Variants in RABGAP1L observed in about 807,000 individuals in gnomAD.
RABGAP1L encodes rab GTPase-activating protein 1-like.
A neutral mutation model predicts 137.7 loss-of-function variants in RABGAP1L; 63 were observed. The observed-to-expected ratio is 0.46, with a 90% CI of 0.37 to 0.56. RABGAP1L has a LOEUF of 0.56. Ranked by LOEUF, RABGAP1L falls within the 20% of genes least tolerant of loss-of-function variation. RABGAP1L has a pLI of 0.00. For synonymous variants in RABGAP1L, 431 were observed against 433.7 expected (o/e 0.99, Z 0.08); for missense variants, 1,095 against 1,244.0 (o/e 0.88, Z 1.80).
intron 14 of RABGAP1L, among the ~76,000 whole-genome samples, chr1:174,654,667 C>A (rs539977314): frequency 2.0e-5 from 3 of 152,154 alleles, no homozygotes; most frequent in South Asian, 4.1e-4. Context: ...TTTTACATTT[C>A]TGTGTCTTTA....
At chr1:174,467,076 G>A (rs183343581) in intron 13 of RABGAP1L, among the ~76,000 whole-genome samples, 1 of 152,128 alleles carries the variant, frequency 6.6e-6, no homozygotes, top group East Asian at 1.9e-4. Flanking sequence ...AGTCTATTTT[G>A]GGCTTTCCAG....
At chr1:174,572,058 A>G (rs1443802460) in intron 13 of RABGAP1L, among the ~76,000 whole-genome samples, 1 of 152,214 alleles carries the variant, frequency 6.6e-6, no homozygotes, top group Middle Eastern at 3.2e-3. Context: ...TTACAATGAA[A>G]CATTTTCAAA....
At chr1:174,751,338 A>C (rs1684319749) in intron 17 of RABGAP1L, among the ~76,000 whole-genome samples, 1 of 152,206 alleles carries the variant, frequency 6.6e-6, no homozygotes, top group African/African-American at 2.4e-5. Context: ...GAGACAGAAG[A>C]AGCATGGTTT....
chr1:174,901,455 A>G (rs902252401), intron 19 of RABGAP1L, among the ~76,000 whole-genome samples: 8 of 152,108 alleles, frequency 5.3e-5, no homozygotes, highest in African/African-American at 1.9e-4. Context: ...AAACCATCAG[A>G]TCTCATGAGA....
At position 174,248,168 on chromosome 1, in the gene RABGAP1L, T is replaced by C. The variant is rs116799818; in HGVS notation, c.718-2307T>C. Among the ~76,000 whole-genome samples the C allele has an allele frequency of 2.0e-5, 3 of 152,206 alleles. No homozygotes were observed. In the South Asian group the frequency reaches 6.2e-4, roughly 31 times the overall value. ...ATTATTGGGCTAAATCCAGTAACTA[T>C]CCAGCTGAGGCTGAACCTTTCTGTT... On this transcript the variant is annotated intron_variant, in intron 5 of 25. Coordinates refer to ENST00000681986, the MANE Select transcript of RABGAP1L (RefSeq NM_001366446.1).
chr1:174,734,140 T>C (rs1682736003), intron 17 of RABGAP1L, among the ~76,000 whole-genome samples: 1 of 152,246 alleles, frequency 6.6e-6, no homozygotes, highest in Admixed American at 6.5e-5. Flanking sequence ...TTTTTACATG[T>C]TTTTGATTCC....
At chr1:174,243,529 A>T (rs890315268) in intron 5 of RABGAP1L, among the ~76,000 whole-genome samples, 20 of 152,204 alleles carry the variant, frequency 1.3e-4, no homozygotes, top group African/African-American at 4.8e-4. Flanking sequence ...AAAAAATTTT[A>T]AAAATCCTCC....
intron 11 of RABGAP1L, among the ~76,000 whole-genome samples, chr1:174,346,913 G>A (rs1373913774): frequency 1.3e-5 from 2 of 151,744 alleles, no homozygotes; most frequent in African/African-American, 4.8e-5. Flanking sequence ...GTTTTAGTAT[G>A]TTCTGTTTTC....
In RABGAP1L at chr1:174,189,489, C is replaced by T. The variant is rs142891078; in HGVS notation, c.-33-29636C>T. 6.7e-3 allele frequency among the ~76,000 whole-genome samples: 1,027 copies of T among 152,286 alleles called. 13 individuals are homozygous for T. The highest frequency in any genetic ancestry group is 0.023 in the African/African-American group (965 of 41,564). ...ATGGAGATGGCTTTTCTTTAAACCT[C>T]GCTTATCGTTTGAATATTTCTCCCC... is the stretch of plus-strand genomic sequence containing the variant. On this transcript the variant is annotated intron_variant, in intron 1 of 25. Coordinates refer to ENST00000681986, the MANE Select transcript of RABGAP1L (RefSeq NM_001366446.1).
At chr1:174,498,431 T>C (rs1336695537) in intron 13 of RABGAP1L, among the ~76,000 whole-genome samples, 1 of 152,192 alleles carries the variant, frequency 6.6e-6, no homozygotes, top group Non-Finnish European at 1.5e-5. Context: ...ACCAGGTCTA[T>C]TGAACTTATG....
At position 174,617,941 on chromosome 1, in the gene RABGAP1L, C is replaced by T. The variant is rs1672052475; in HGVS notation, c.1711-19434C>T. On this transcript the variant is annotated intron_variant, in intron 13 of 25. Coordinates refer to ENST00000681986, the MANE Select transcript of RABGAP1L (RefSeq NM_001366446.1). ...CACCTGGAAAATCGGGTCACTCCCA[C>T]CCGAATACTGCACTTTTCCAATGGT... Among the ~76,000 whole-genome samples the T allele has an allele frequency of 1.3e-5, 2 of 152,210 alleles. 1 individual carries two copies. Among genetic ancestry groups the T allele is most frequent in the Admixed American group, 1.3e-4 (2 of 15,282 alleles).
chr1:174,457,810 T>G (rs1027104535), intron 13 of RABGAP1L, among the ~76,000 whole-genome samples: 4 of 152,174 alleles, frequency 2.6e-5, no homozygotes, highest in African/African-American at 9.7e-5. Context: ...TTTAGGCATC[T>G]TCTTAGACCA....
intron 13 of RABGAP1L, among the ~76,000 whole-genome samples, chr1:174,528,564 A>G (rs1243914608): frequency 6.7e-6 from 1 of 148,320 alleles, no homozygotes; most frequent in Non-Finnish European, 1.5e-5. Context: ...TCTGCAAAGA[A>G]ACTCATTGTT....
intron 17 of RABGAP1L, among the ~76,000 whole-genome samples, chr1:174,710,887 A>G (rs963982752): frequency 6.6e-6 from 1 of 152,230 alleles, no homozygotes; most frequent in Admixed American, 6.5e-5. Flanking sequence ...TTGGATAAAG[A>G]GTCAAGACCC....
At chr1:174,332,233 A>G (rs966092003) in intron 11 of RABGAP1L, among the ~76,000 whole-genome samples, 11 of 152,188 alleles carry the variant, frequency 7.2e-5, no homozygotes, top group African/African-American at 2.2e-4. Context: ...CAAGTCCCAA[A>G]TGTGTAATTC....
At chr1:174,956,411 ATTTG>A (rs1297718391) in intron 19 of RABGAP1L, among the ~76,000 whole-genome samples, 1 of 152,096 alleles carries the variant, frequency 6.6e-6, no homozygotes, top group Non-Finnish European at 1.5e-5. Context: ...CGCTGTGCTT[ATTTG>A]TTTATTTTTA....
At chr1:174,606,340 C>T (rs775075004) in intron 13 of RABGAP1L, among the ~76,000 whole-genome samples, 21 of 152,146 alleles carry the variant, frequency 1.4e-4, no homozygotes, top group Non-Finnish European at 2.9e-4. Context: ...CCTAGCCTGC[C>T]ACACCCACTG....
intron 19 of RABGAP1L, among the ~76,000 whole-genome samples, chr1:174,888,526 A>G (rs769185334): frequency 1.5e-4 from 23 of 152,186 alleles, no homozygotes; most frequent in Non-Finnish European, 2.6e-4. Context: ...TCATTAACCT[A>G]TAACTTCCCT....
chr1:174,331,513 T>G (rs531594705), intron 11 of RABGAP1L, among the ~76,000 whole-genome samples: 4 of 152,222 alleles, frequency 2.6e-5, no homozygotes, highest in African/African-American at 9.6e-5. Context: ...GACATACAAA[T>G]AGTCAACAGG....
Sources: allele counts gnomAD v4.1 joint callset (sites outside exome capture counted in the v4.1 genomes callset), GRCh38; gene constraint gnomAD v4.1.1; transcripts MANE v1.5; gene names NCBI Gene and HGNC (gene_info 2026-07-23, HGNC 2026-07-21).